Variants in TAF1 observed in about 807,000 individuals in gnomAD.
TAF1 encodes the protein transcription initiation factor TFIID subunit 1.
Under a neutral mutation model 138.5 loss-of-function variants are expected in TAF1, and 2 were observed. The ratio of observed to expected loss-of-function variants is 0.01; its 90% CI spans 0.01 to 0.05. The LOEUF is 0.05. Ranked by LOEUF, TAF1 falls within the 10% of genes least tolerant of loss-of-function variation. The pLI, the probability that TAF1 is intolerant of heterozygous loss-of-function variation, is 1.00. For missense variants in TAF1, 709 were observed against 1,478.0 expected (o/e 0.48, Z 8.53); for synonymous variants, 437 against 503.2 (o/e 0.87, Z 1.76).
At chrX:71,419,492 TC>T (rs1381266955) in intron 28 of TAF1, among the ~76,000 whole-genome samples, 1 of 110,629 alleles carries the variant, frequency 9.0e-6, no homozygotes, top group Non-Finnish European at 1.9e-5. Context: ...ACGGAGATCT[TC>T]CGGCTACAGA....
chrX:71,411,944 AC>A (rs1288873441), intron 28 of TAF1, among the ~76,000 whole-genome samples: 5 of 110,879 alleles, frequency 4.5e-5, no homozygotes, highest in Non-Finnish European at 9.4e-5. Flanking sequence ...TTTAGTAGAG[AC>A]GGGGTTTCTC....
intron 25 of TAF1, among the ~76,000 whole-genome samples, chrX:71,403,180 T>A: frequency 9.1e-6 from 1 of 110,388 alleles, no homozygotes; most frequent in Middle Eastern, 4.6e-3. Flanking sequence ...AGGTGTGCAG[T>A]ACCACACCTG....
chrX:71,403,769 CCCTTT>C (rs1211638203), intron 25 of TAF1, among the ~76,000 whole-genome samples: 1 of 110,974 alleles, frequency 9.0e-6, no homozygotes, highest in African/African-American at 3.3e-5. Flanking sequence ...TTTCTACTCT[CCCTTT>C]CCAAGTATTA....
chrX:71,450,951 A>T (rs777216404), intron 32 of TAF1, among the ~76,000 whole-genome samples: 1 of 112,166 alleles, frequency 8.9e-6, no homozygotes, highest in South Asian at 3.7e-4. Flanking sequence ...AGCTGCTACT[A>T]AGCCCCAGCC....
chrX:71,406,360 C>A (rs2035472842), intron 25 of TAF1, among the ~76,000 whole-genome samples: 1 of 105,429 alleles, frequency 9.5e-6, no homozygotes, highest in Admixed American at 1.0e-4. Context: ...AATGTTGGAA[C>A]TAGAAGGATT....
chrX:71,412,718 G>C lies in TAF1; in HGVS notation c.4384+4567G>C, dbSNP rs556732477. Among the ~76,000 whole-genome samples the C allele has an allele frequency of 2.1e-4, 23 of 111,440 alleles. 1 individual carries two copies. Among genetic ancestry groups the C allele is most frequent in the African/African-American group, 7.5e-4 (23 of 30,740 alleles). On this transcript the variant is annotated intron_variant, in intron 28 of 37. Coordinates refer to ENST00000423759, the MANE Select transcript of TAF1 (RefSeq NM_004606.5). ...TTCTCCTGCCTCAGCCTGCCAAGTA[G>C]CTAGGGCTATAGGCGCGTGCCACCC...
intron 13 of TAF1, among the ~76,000 whole-genome samples, chrX:71,526,414 CAG>C (rs1300451255): frequency 9.0e-6 from 1 of 111,612 alleles, no homozygotes; most frequent in Non-Finnish European, 1.9e-5. Context: ...AGTTTAATAA[CAG>C]AAAAAGCAAC....
intron 24 of TAF1, among the ~76,000 whole-genome samples, chrX:71,399,204 T>TGGGAAGCCTTG (rs1569303180): frequency 9.1e-6 from 1 of 110,065 alleles, no homozygotes; most frequent in Non-Finnish European, 1.9e-5. Context: ...CTTCCCAAAG[T>TGGGAAGCCTTG]GCTGGGATTG....
chrX:71,426,402 G>A (rs758005838), intron 32 of TAF1, among the ~76,000 whole-genome samples: 12 of 111,595 alleles, frequency 1.1e-4, no homozygotes, highest in Non-Finnish European at 2.3e-4. Context: ...AAGGCACAGA[G>A]GCCTGAAATT....
chrX:71,382,163 G>C (rs748327558), intron 9 of TAF1, among the ~76,000 whole-genome samples: 16 of 112,100 alleles, frequency 1.4e-4, no homozygotes, highest in Non-Finnish European at 2.3e-4. Context: ...TTCCGTTAGT[G>C]AATCATGGAC....
chrX:71,376,495 G>A (rs1000701089), intron 4 of TAF1, among the ~76,000 whole-genome samples: 3 of 109,913 alleles, frequency 2.7e-5, no homozygotes, highest in Middle Eastern at 4.7e-3. Context: ...GTGAAACCCC[G>A]TCTCTACTAA....
At chrX:71,468,778 A>G (rs2147478829), downstream of TAF1, among the ~76,000 whole-genome samples, 1 of 109,194 alleles carries the variant, frequency 9.2e-6, no homozygotes, top group Non-Finnish European at 1.9e-5. Context: ...AGGTCATTTG[A>G]GCCCAGGAGT....
At chrX:71,439,262 C>A (rs1057108523) in intron 32 of TAF1, among the ~76,000 whole-genome samples, 4 of 111,411 alleles carry the variant, frequency 3.6e-5, no homozygotes, top group Non-Finnish European at 7.5e-5. Flanking sequence ...TTTAATGGGG[C>A]ATTAACATTA....
intron 13 of TAF1, among the ~76,000 whole-genome samples, chrX:71,520,056 C>T (rs1044008734): frequency 2.7e-5 from 3 of 109,866 alleles, no homozygotes; most frequent in East Asian, 2.9e-4. Flanking sequence ...TTAAGTGATC[C>T]GCCCACCTCG....
chrX:71,456,174 G>A (rs920816602), intron 34 of TAF1, among the ~76,000 whole-genome samples: 1 of 111,700 alleles, frequency 9.0e-6, no homozygotes, highest in African/African-American at 3.3e-5. Context: ...GCCATTGAAT[G>A]GCACATGGTT....
intron 13 of TAF1, among the ~76,000 whole-genome samples, chrX:71,475,734 A>G (rs1458523426): frequency 8.9e-6 from 1 of 111,737 alleles, no homozygotes; most frequent in Non-Finnish European, 1.9e-5. Flanking sequence ...GCAAGACTCA[A>G]TATAGTAAAC....
intron 13 of TAF1, among the ~76,000 whole-genome samples, chrX:71,512,090 G>A (rs1209821624): frequency 2.7e-5 from 3 of 109,818 alleles, no homozygotes; most frequent in South Asian, 3.8e-4. Flanking sequence ...TGAGGCAGGC[G>A]GATCACAAGG....
At chrX:71,393,100 T>C (rs2034652032) in intron 20 of TAF1, 106 bp downstream of exon 20, 17 of 1,073,963 alleles carry the variant, frequency 1.6e-5, no homozygotes, top group Non-Finnish European at 2.0e-5. Flanking sequence ...TATTGTAGGG[T>C]ATAGTAAGCT....
chrX:71,525,679 G>A (rs1244257482), intron 13 of TAF1, among the ~76,000 whole-genome samples: 2 of 109,219 alleles, frequency 1.8e-5, no homozygotes, highest in African/African-American at 6.7e-5. Flanking sequence ...TTGAGACAGG[G>A]TCTTGCTTGG....
Sources: allele counts gnomAD v4.1 joint callset (sites outside exome capture counted in the v4.1 genomes callset), GRCh38; gene constraint gnomAD v4.1.1; transcripts MANE v1.5; gene names NCBI Gene and HGNC (gene_info 2026-07-23, HGNC 2026-07-21).